The following TMEM128 variants were observed in gnomAD, a reference collection of about 807,000 sequenced individuals.
TMEM128 encodes transmembrane protein 128.
Under a neutral mutation model 19.7 loss-of-function variants are expected in TMEM128, and 16 were observed. The ratio of observed to expected loss-of-function variants is 0.81; its 90% confidence interval spans 0.55 to 1.23. The LOEUF (loss-of-function observed/expected upper bound fraction) is 1.23. TMEM128 is among the 50% of genes most tolerant of loss of function. The pLI, the probability that TMEM128 is intolerant of heterozygous loss-of-function variation, is 0.00. For missense variants in TMEM128, 237 were observed against 200.8 expected, an observed-to-expected ratio of 1.18 and a Z score of -1.09; for synonymous variants, 98 against 75.8, an observed-to-expected ratio of 1.29 and a Z score of -1.52.
At chr4:4,246,707 C>T (rs1284947583) in intron 1 of TMEM128, among the ~76,000 whole-genome samples, 1 of 152,056 alleles carries the variant, frequency 6.6e-6, no homozygotes, top group African/African-American at 2.4e-5. Context: ...CAAACATTAG[C>T]GCATGAACTG....
At chr4:4,238,863 T>C (rs1717830485) in intron 3 of TMEM128, among the ~76,000 whole-genome samples, 1 of 152,044 alleles carries the variant, frequency 6.6e-6, no homozygotes, top group South Asian at 2.1e-4. Context: ...CGAAACCCCA[T>C]CTCTACAAAA....
intron 2 of TMEM128, among the ~76,000 whole-genome samples, chr4:4,242,372 T>G (rs1252412497): frequency 6.6e-6 from 1 of 152,004 alleles, no homozygotes; most frequent in African/African-American, 2.4e-5. Context: ...TAGATATGCA[T>G]GCAGTATATA....
In TMEM128 at chr4:4,240,374, C is replaced by T. The variant is rs774590273; in HGVS notation, c.345G>A (p.Lys115=). 6.2e-7 allele frequency: 1 copy of T among 1,613,996 alleles called. No homozygotes were observed. Among genetic ancestry groups the T allele is most frequent in the African/African-American group, 1.3e-5 (1 of 74,902 alleles). Residue 115 remains lysine (K), a synonymous_variant, in exon 3 of 5, where the codon AAG becomes AAA. Coordinates refer to ENST00000382753, the MANE Select transcript of TMEM128 (RefSeq NM_001297551.2). ...TGGTAATGGGTATCAAGGCTGGATA[C>T]TTGACATCATATTCTCCAATTCCAC... The part of the protein sequence containing the change: ...WYCGIGEYDV[K]YPALIPITTA...
At chr4:4,244,267 C>G (rs3856966) in intron 2 of TMEM128, among the ~76,000 whole-genome samples, 46,906 of 151,776 alleles carry the variant, frequency 0.31, 7,846 homozygotes, top group East Asian at 0.46. Flanking sequence ...CTGGAGCCCA[C>G]AAGTTTGAGA....
chr4:4,235,749 G>A lies in TMEM128; in HGVS notation c.*517C>T, dbSNP rs368022897. On this transcript the variant is annotated 3_prime_UTR_variant, in exon 5 of 5. Coordinates refer to ENST00000382753, the MANE Select transcript of TMEM128 (RefSeq NM_001297551.2). Reference sequence around the variant, plus strand: ...GAGATTATAGTAATTACTAAAGCTGGTTAAAGGCACATGACAACATAATTC... The same window carrying A: ...GAGATTATAGTAATTACTAAAGCTGATTAAAGGCACATGACAACATAATTC... 5.2e-5 allele frequency: 8 copies of A among 152,714 alleles called. No homozygotes were observed. In the East Asian group the frequency reaches 1.5e-3, roughly 29 times the overall value. The allele number at this position is 152,714 out of a possible 1,614,324, so 9.5% of individuals were successfully genotyped here.
At chr4:4,244,834 A>G (rs1478544301) in intron 2 of TMEM128, among the ~76,000 whole-genome samples, 1 of 152,084 alleles carries the variant, frequency 6.6e-6, no homozygotes, top group East Asian at 1.9e-4. Flanking sequence ...TTCATCACAC[A>G]CTCAATCAGT....
At chr4:4,247,618 G>A (rs1718239609) in intron 1 of TMEM128, 2 of 1,614,074 alleles carry the variant, frequency 1.2e-6, no homozygotes, top group African/African-American at 2.7e-5. Flanking sequence ...GTACCCAAAT[G>A]GCGGCATACC....
chr4:4,242,448 C>G (rs1717996960), intron 2 of TMEM128, among the ~76,000 whole-genome samples: 1 of 151,736 alleles, frequency 6.6e-6, no homozygotes, highest in Non-Finnish European at 1.5e-5. Context: ...CTAAAAAGGC[C>G]TTTTATCATT....
At chr4:4,242,302 G>A (rs945409037) in intron 2 of TMEM128, among the ~76,000 whole-genome samples, 1 of 73,574 alleles carries the variant, frequency 1.4e-5, no homozygotes, top group African/African-American at 3.6e-5. Context: ...AATCTCACTG[G>A]GGGGAGTATC....
chr4:4,243,170 G>A (rs1262953765), intron 2 of TMEM128, among the ~76,000 whole-genome samples: 1 of 152,080 alleles, frequency 6.6e-6, no homozygotes, highest in Non-Finnish European at 1.5e-5. Context: ...ATCTCCACCT[G>A]CTGGGTTCAC....
At chr4:4,247,960 G>T in intron 1 of TMEM128, 146 bp downstream of exon 1, 4 of 1,436,134 alleles carry the variant, frequency 2.8e-6, no homozygotes, top group Non-Finnish European at 3.6e-6. Context: ...AGCACTCCGC[G>T]ATTCTAAGGA....
intron 3 of TMEM128, among the ~76,000 whole-genome samples, chr4:4,239,743 G>T (rs1460931384): frequency 6.6e-6 from 1 of 152,172 alleles, no homozygotes; most frequent in Admixed American, 6.5e-5. Flanking sequence ...CACTGTTCCC[G>T]GCGACAATAT....
At chr4:4,247,379 T>C (rs1307836559) in intron 1 of TMEM128, among the ~76,000 whole-genome samples, 2 of 152,224 alleles carry the variant, frequency 1.3e-5, no homozygotes, top group East Asian at 3.8e-4. Flanking sequence ...TCAAAATGTA[T>C]ACATCATCAT....
intron 1 of TMEM128, among the ~76,000 whole-genome samples, chr4:4,246,603 C>A (rs112191514): frequency 6.6e-6 from 1 of 152,146 alleles, no homozygotes; most frequent in Non-Finnish European, 1.5e-5. Context: ...TCGGAAATAA[C>A]AATGTCACCT....
chr4:4,241,229 C>A (rs1717947211), intron 2 of TMEM128, among the ~76,000 whole-genome samples: 1 of 152,208 alleles, frequency 6.6e-6, no homozygotes, highest in African/African-American at 2.4e-5. Context: ...TCTTGGAATA[C>A]TGAAAGACAA....
rs879121891 is a variant in TMEM128 at position 4,235,926 on chromosome 4, C to T, written c.*340G>A. The stretch of plus-strand genomic sequence containing the variant: ...AACAGATTAACATTGCAAAATAGTA[C>T]TTCTGTATCACTGACTTCTGAAAAT... On this transcript the variant is annotated 3_prime_UTR_variant, in exon 5 of 5. Coordinates refer to ENST00000382753, the MANE Select transcript of TMEM128 (RefSeq NM_001297551.2). 6.6e-6 allele frequency: 1 copy of T among 152,408 alleles called. No homozygotes were observed. The allele number at this position is 152,408 out of a possible 1,614,324, so 9.4% of individuals were successfully genotyped here. A position where few individuals can be genotyped will look rare whatever the true frequency, so the allele number is the denominator to read the frequency against.
chr4:4,240,606 T>A, intron 2 of TMEM128, 127 bp from the exon 3 acceptor site: 1 of 1,021,160 alleles, frequency 9.8e-7, no homozygotes, highest in East Asian at 2.6e-5. Context: ...GAGCCATACT[T>A]AAACAATCCA....
intron 4 of TMEM128, among the ~76,000 whole-genome samples, chr4:4,237,286 T>C (rs1717758067): frequency 1.3e-5 from 2 of 152,164 alleles, no homozygotes; most frequent in Non-Finnish European, 1.5e-5. Flanking sequence ...ATTAATATAA[T>C]TTCAACATAA....
At chr4:4,241,407 A>T (rs1181110937) in intron 2 of TMEM128, among the ~76,000 whole-genome samples, 1 of 152,198 alleles carries the variant, frequency 6.6e-6, no homozygotes, top group Non-Finnish European at 1.5e-5. Context: ...CAACCTGGAC[A>T]ACCCCTTCCC....
Sources: gnomAD v4.1 joint callset for allele counts (sites outside exome capture counted in the v4.1 genomes callset) on GRCh38, gnomAD v4.1.1 for gene constraint, MANE v1.5 for transcripts, NCBI Gene and HGNC (gene_info 2026-07-23, HGNC 2026-07-21) for gene names.